The following PCDHGB3 variants were observed in gnomAD, a reference collection of about 807,000 sequenced individuals.
PCDHGB3 encodes protocadherin gamma-B3.
Under a neutral mutation model 59.2 loss-of-function variants are expected in PCDHGB3, and 40 were observed. The ratio of observed to expected loss-of-function variants is 0.68; its 90% CI spans 0.52 to 0.88. The LOEUF (loss-of-function observed/expected upper bound fraction) is 0.88. Among genes scored for constraint, PCDHGB3 ranks in the 40% least tolerant of loss-of-function variants. PCDHGB3 has a pLI of 0.00. For missense variants in PCDHGB3, 1,309 were observed against 1,187.9 expected, an observed-to-expected ratio of 1.10 and a Z score of -1.50; for synonymous variants, 581 against 503.6, an observed-to-expected ratio of 1.15 and a Z score of -2.06.
At chr5:141,448,921 G>A (rs1323304761) in intron 1 of PCDHGB3, among the ~76,000 whole-genome samples, 3 of 152,120 alleles carry the variant, frequency 2.0e-5, no homozygotes, top group Admixed American at 1.3e-4. Flanking sequence ...CTCCAGCCTG[G>A]GCGACAGAGC....
intron 3 of PCDHGB3, among the ~76,000 whole-genome samples, chr5:141,506,564 G>A (rs984395438): frequency 5.3e-5 from 8 of 152,016 alleles, no homozygotes; most frequent in East Asian, 1.9e-4. Context: ...AAACCCCCTC[G>A]GTTTCACTTA....
At position 141,431,667 on chromosome 5, in the gene PCDHGB3, C is replaced by T. The variant is rs759257105; in HGVS notation, c.2415+58858C>T. ...GATTGTAATTCAGGGACAATATCAA[C>T]AATAGGGGAGTTGGACCACGAGGAG... On this transcript the variant is annotated intron_variant, in intron 1 of 3. Coordinates refer to ENST00000576222, the MANE Select transcript of PCDHGB3 (RefSeq NM_018924.5). This position sits in a 1 kb window ranked among gnomAD's most constrained non-coding sequence, Gnocchi z 4.8. 1 of 1,614,226 alleles carries T rather than the reference C, an allele frequency of 6.2e-7. No individual in the cohort carries two copies. The highest frequency in any genetic ancestry group is 1.3e-5 in the African/African-American group (1 of 75,072).
At position 141,372,141 on chromosome 5, in the gene PCDHGB3, G is replaced by C. The variant is rs780330964; in HGVS notation, c.1747G>C (p.Glu583Gln). Residue 583 changes from glutamate to glutamine, a missense_variant, in exon 1 of 4, where the codon GAG becomes CAG. Coordinates refer to ENST00000576222, the MANE Select transcript of PCDHGB3 (RefSeq NM_018924.5). ...CTTCGATATGGTGCCGCGCTCTGCAGAGCCTGGCTACCTGGTGACCAAGGT... is the reference window on the plus strand; with the variant it reads ...CTTCGATATGGTGCCGCGCTCTGCACAGCCTGGCTACCTGGTGACCAAGGT... ...ALFDMVPRSA[E>Q]PGYLVTKVVA... 5.0e-6 allele frequency: 8 copies of C among 1,613,774 alleles called. No individual in the cohort carries two copies. The East Asian group carries it at 1.6e-4, about 31-fold the overall frequency.
At chr5:141,429,396 T>A (rs2097212352) in intron 1 of PCDHGB3, among the ~76,000 whole-genome samples, 1 of 151,520 alleles carries the variant, frequency 6.6e-6, no homozygotes, top group African/African-American at 2.4e-5. Context: ...TTAAAAAAAA[T>A]TGAGATTAAG....
At chr5:141,509,015 C>G (rs1370464396) in intron 3 of PCDHGB3, among the ~76,000 whole-genome samples, 2 of 152,098 alleles carry the variant, frequency 1.3e-5, no homozygotes, top group African/African-American at 4.8e-5. Context: ...AAGTGGGCAG[C>G]TGCTCCCTCC....
At chr5:141,460,502 G>A (rs1300155108) in intron 1 of PCDHGB3, among the ~76,000 whole-genome samples, 1 of 152,094 alleles carries the variant, frequency 6.6e-6, no homozygotes, top group Non-Finnish European at 1.5e-5. Flanking sequence ...AAAATATGCT[G>A]AGAAGGCTAT....
chr5:141,378,114 A>C (rs1024564517), intron 1 of PCDHGB3: 2 of 152,284 alleles, frequency 1.3e-5, no homozygotes, highest in Non-Finnish European at 2.9e-5. Context: ...CAGCATAGTG[A>C]ACACGTATTT....
At position 141,371,030 on chromosome 5, in the gene PCDHGB3, C is replaced by T. The variant is rs62378420; in HGVS notation, c.636C>T (p.Leu212=). 55,625 of 1,613,990 alleles carry T rather than the reference C, an allele frequency of 0.034. 1,067 individuals are homozygous for T. Among genetic ancestry groups the T allele is most frequent in the Middle Eastern group, 0.098 (594 of 6,062 alleles). ...REEQPHHHLV[L]TAVDGGEPSR... is the part of the protein sequence containing the mutation. ...AGCAGCCACATCACCACCTGGTCCT[C>T]ACAGCTGTGGATGGGGGCGAGCCCT... Residue 212 remains leucine (L), a synonymous_variant, in exon 1 of 4, where the codon CTC becomes CTT. Transcript: ENST00000576222.
rs1768010775 is a variant in PCDHGB3, at chr5:141,371,759, C to T, written c.1365C>T (p.Ala455=). 6.2e-7 allele frequency: 1 copy of T among 1,614,044 alleles called. No homozygotes were observed. Among genetic ancestry groups the T allele is most frequent in the Non-Finnish European group, 8.5e-7 (1 of 1,179,910 alleles). ...ACAACGTTCCCGTTTTCCACCAGGC[C>T]TCCTACACCGTGCATGTAGCTGAGA... The part of the protein sequence containing the change: ...VNDNVPVFHQ[A]SYTVHVAENN... Residue 455 remains alanine (A), a synonymous_variant, in exon 1 of 4, where the codon GCC becomes GCT. Transcript: ENST00000576222.
chr5:141,371,875 G>T lies in PCDHGB3; in HGVS notation c.1481G>T (p.Ser494Ile). 6.2e-7 allele frequency: 1 copy of T among 1,613,506 alleles called. No homozygotes were observed. Among genetic ancestry groups the T allele is most frequent in the Non-Finnish European group, 8.5e-7 (1 of 1,179,896 alleles). Reference sequence around the variant, plus strand: ...CTTGTCTCCTACTACATCGTGGCCAGTGACCTGGAGCCGCGGGAGCTGTCG... The same window carrying T: ...CTTGTCTCCTACTACATCGTGGCCATTGACCTGGAGCCGCGGGAGCTGTCG... ...NGLVSYYIVA[S>I]DLEPRELSSY... The change falls in exon 1 of 4, where the codon AGT (serine) becomes ATT (isoleucine). Residue 494 changes from serine to isoleucine, a missense_variant. Ser to Ile is a moderately radical substitution (Grantham distance 142, BLOSUM62 -2). Coordinates refer to ENST00000576222, the MANE Select transcript of PCDHGB3 (RefSeq NM_018924.5).
In PCDHGB3 at chr5:141,372,610, T is replaced by A; in HGVS notation, c.2216T>A (p.Val739Asp). 1.9e-6 allele frequency: 3 copies of A among 1,613,984 alleles called. No homozygotes were observed. The highest frequency in any genetic ancestry group is 2.5e-6 in the Non-Finnish European group (3 of 1,179,868). ...GTCTGCTTCAAGACTGTACCTGGAG[T>A]TCTCCCCACCTACAGCGAAAGGACT... The part of the protein sequence containing the change: ...PGVCFKTVPG[V>D]LPTYSERTLP... The change falls in exon 1 of 4, where the codon GTT becomes GAT. Residue 739 changes from valine to aspartate, a missense_variant. Physicochemically the swap from Val to Asp is radical, Grantham distance 152. Coordinates refer to ENST00000576222, the MANE Select transcript of PCDHGB3 (RefSeq NM_018924.5).
chr5:141,429,264 A>T (rs1029363907), intron 1 of PCDHGB3: 1 of 151,938 alleles, frequency 6.6e-6, no homozygotes, highest in Non-Finnish European at 1.5e-5. Flanking sequence ...TGAGGAATAA[A>T]TTTTTTTCCT....
Position 141,420,141 on chromosome 5 carries a change from T to C in PCDHGB3, c.2415+47332T>C, listed in dbSNP as rs556066866. 9.9e-6 allele frequency: 16 copies of C among 1,614,040 alleles called. No homozygotes were observed. The East Asian group carries it at 3.3e-4, about 34-fold the overall frequency. On this transcript the variant is annotated intron_variant, in intron 1 of 3. Coordinates refer to ENST00000576222, the MANE Select transcript of PCDHGB3 (RefSeq NM_018924.5). ...AATTTTTGTGTGCCTGGGGATCAAA[T>C]GAATCCAGAATTTAATTTTTTCACA... is the stretch of plus-strand genomic sequence containing the variant.
intron 1 of PCDHGB3, among the ~76,000 whole-genome samples, chr5:141,444,199 T>C (rs2098425653): frequency 7.4e-6 from 1 of 134,516 alleles, no homozygotes; most frequent in African/African-American, 2.9e-5. Context: ...GAGATGGAGT[T>C]TCACTCTTGT....
chr5:141,408,290 A>T (rs767669019), intron 1 of PCDHGB3: 80 of 1,613,008 alleles, frequency 5.0e-5, no homozygotes, highest in Non-Finnish European at 6.1e-5. Context: ...CCCCACCCTG[A>T]GTGAGCCGAT....
rs1001516677 is a variant in PCDHGB3 at position 141,399,747 on chromosome 5, A to G, written c.2415+26938A>G. On this transcript the variant is annotated intron_variant, in intron 1 of 3. Coordinates refer to ENST00000576222, the MANE Select transcript of PCDHGB3 (RefSeq NM_018924.5). The stretch of plus-strand genomic sequence containing the variant: ...ACCAGGGCTCGCCTGCGCTCAGCGC[A>G]AACGTGAGCCTGCGCGTGTTGGTGG... 3.7e-6 allele frequency: 6 copies of G among 1,613,228 alleles called. No homozygotes were observed. In the African/African-American group the frequency reaches 6.7e-5, roughly 18 times the overall value.
intron 1 of PCDHGB3, chr5:141,389,969 C>G: frequency 6.2e-7 from 1 of 1,614,042 alleles, no homozygotes; most frequent in Non-Finnish European, 8.5e-7. Context: ...TGGCCTTGGC[C>G]TTGATCTCAG....
At chr5:141,392,750 G>C in intron 1 of PCDHGB3, 1 of 1,451,824 alleles carries the variant, frequency 6.9e-7, no homozygotes, top group Non-Finnish European at 9.1e-7. Flanking sequence ...GCTGCGGCAA[G>C]AAACTAAATA....
intron 1 of PCDHGB3, among the ~76,000 whole-genome samples, chr5:141,481,886 C>T (rs575190135): frequency 6.9e-6 from 1 of 145,360 alleles, no homozygotes; most frequent in South Asian, 2.2e-4. Context: ...TGCACTCCAG[C>T]CTGGGTGAAA....
Sources: allele counts gnomAD v4.1 joint callset (sites outside exome capture counted in the v4.1 genomes callset), GRCh38; gene constraint gnomAD v4.1.1; non-coding constraint Gnocchi (gnomAD v3.1); transcripts MANE v1.5; gene names NCBI Gene and HGNC (gene_info 2026-07-23, HGNC 2026-07-21).